Variants in PCSK2 observed in about 807,000 individuals in gnomAD.
PCSK2 encodes proprotein convertase subtilisin/kexin type 2.
In PCSK2, 14 loss-of-function variants were observed where a neutral mutation model predicts 69.7. The ratio of observed to expected loss-of-function variants is 0.20; its 90% confidence interval spans 0.13 to 0.31. The LOEUF is 0.31. Ranked by LOEUF, PCSK2 falls within the 10% of genes least tolerant of loss-of-function variation. The pLI, the probability that PCSK2 is intolerant of heterozygous loss-of-function variation, is 1.00. For missense variants in PCSK2, 544 were observed against 842.5 expected, an observed-to-expected ratio of 0.65 and a Z score of 4.39; for synonymous variants, 307 against 320.7, an observed-to-expected ratio of 0.96 and a Z score of 0.46.
chr20:17,235,075 G>T (rs1315296234), intron 1 of PCSK2, among the ~76,000 whole-genome samples: 8 of 152,154 alleles, frequency 5.3e-5, no homozygotes, highest in African/African-American at 1.7e-4. Flanking sequence ...GTATAGTTGT[G>T]TATTAATGGA....
chr20:17,467,865 C>T (rs1284580631), intron 11 of PCSK2, among the ~76,000 whole-genome samples: 1 of 152,236 alleles, frequency 6.6e-6, no homozygotes. Context: ...GTGAACACTT[C>T]TAGCTTACAC....
intron 2 of PCSK2, among the ~76,000 whole-genome samples, chr20:17,315,223 TGTG>T (rs907297911): frequency 6.6e-6 from 1 of 151,480 alleles, no homozygotes; most frequent in African/African-American, 2.4e-5. Flanking sequence ...CTCAGTGTGG[TGTG>T]GTGGTGGTGA....
At chr20:17,333,730 C>A (rs1468886754) in intron 2 of PCSK2, among the ~76,000 whole-genome samples, 2 of 151,832 alleles carry the variant, frequency 1.3e-5, no homozygotes, top group Admixed American at 1.3e-4. Context: ...CTGCCTCATC[C>A]ACTTTCTACC....
At chr20:17,441,724 T>G (rs1057202318) in intron 8 of PCSK2, among the ~76,000 whole-genome samples, 1 of 152,036 alleles carries the variant, frequency 6.6e-6, no homozygotes, top group Admixed American at 6.6e-5. Flanking sequence ...GAGAACAGCA[T>G]GGGGAAGACT....
intron 8 of PCSK2, among the ~76,000 whole-genome samples, chr20:17,440,019 C>T (rs906416931): frequency 3.9e-5 from 6 of 152,202 alleles, no homozygotes; most frequent in African/African-American, 1.2e-4. Flanking sequence ...ACTAGAGAGC[C>T]GACACTGCAC....
chr20:17,326,073 T>C (rs1348077031), intron 2 of PCSK2, among the ~76,000 whole-genome samples: 2 of 152,234 alleles, frequency 1.3e-5, no homozygotes, highest in Non-Finnish European at 2.9e-5. Flanking sequence ...TCTGCCCCCA[T>C]GCCATTAGCC....
At chr20:17,422,203 T>C (rs934414669) in intron 6 of PCSK2, among the ~76,000 whole-genome samples, 16 of 152,178 alleles carry the variant, frequency 1.1e-4, no homozygotes, top group African/African-American at 3.9e-4. Context: ...GAATTGAAGA[T>C]AACAGCCTGT....
chr20:17,483,145 AG>A lies in PCSK2; in HGVS notation c.*1077del, dbSNP rs2033439784. 1 of 152,088 alleles carries A rather than the reference AG, an allele frequency of 6.6e-6. No homozygotes were observed. The highest frequency in any genetic ancestry group is 2.1e-4 in the South Asian group (1 of 4,816). 9.4% of individuals were successfully genotyped at this position (152,088 alleles called of 1,614,324 possible). ...TGATGTCATTAATGTGTTGGGAAAA[AG>A]GCCTCTGTCCCGGAAGAGTCATGGG... On this transcript the variant is annotated 3_prime_UTR_variant, in exon 12 of 12. Coordinates refer to ENST00000262545, the MANE Select transcript of PCSK2 (RefSeq NM_002594.5).
Position 17,465,168 on chromosome 20 carries a change from C to T in PCSK2, c.1203-158C>T, listed in dbSNP as rs1394270823. The stretch of plus-strand genomic sequence containing the variant: ...ACTTATATAGTGGTTTTGAATGGTG[C>T]ATGGACACCCTCCCTTGAATTTGAG... On this transcript the variant is annotated intron_variant, in intron 10 of 11. Transcript: ENST00000262545. 3 of 692,244 alleles carry T rather than the reference C, an allele frequency of 4.3e-6. No individual in the cohort carries two copies. The African/African-American group carries it at 5.2e-5, about 12-fold the overall frequency. The allele number at this position is 692,244 out of a possible 1,614,324, so 42.9% of individuals were successfully genotyped here.
chr20:17,352,473 G>C (rs564054632), intron 2 of PCSK2, among the ~76,000 whole-genome samples: 3 of 152,252 alleles, frequency 2.0e-5, no homozygotes, highest in African/African-American at 7.2e-5. Context: ...AGTAATCAAA[G>C]CAGCATGGTA....
intron 2 of PCSK2, among the ~76,000 whole-genome samples, chr20:17,278,426 TG>T (rs1240504106): frequency 6.6e-6 from 1 of 152,152 alleles, no homozygotes; most frequent in Non-Finnish European, 1.5e-5. Flanking sequence ...TGTGGGGACA[TG>T]GATGAAGCTG....
intron 6 of PCSK2, among the ~76,000 whole-genome samples, chr20:17,412,919 T>C (rs1453442508): frequency 6.6e-6 from 1 of 152,162 alleles, no homozygotes; most frequent in Non-Finnish European, 1.5e-5. Context: ...GAATTTCATA[T>C]CCAGCCAAAC....
At chr20:17,287,490 G>A (rs1002776773) in intron 2 of PCSK2, among the ~76,000 whole-genome samples, 2 of 151,384 alleles carry the variant, frequency 1.3e-5, no homozygotes, top group South Asian at 4.2e-4. Context: ...ATAAGAGAAT[G>A]ATACAAATGA....
At chr20:17,341,187 C>T (rs896178569) in intron 2 of PCSK2, among the ~76,000 whole-genome samples, 1 of 152,170 alleles carries the variant, frequency 6.6e-6, no homozygotes, top group Admixed American at 6.5e-5. Flanking sequence ...TTGCAGTGAG[C>T]CAAGACCGCA....
At chr20:17,402,822 T>C (rs1345130324) in intron 5 of PCSK2, among the ~76,000 whole-genome samples, 2 of 151,206 alleles carry the variant, frequency 1.3e-5, no homozygotes, top group African/African-American at 4.9e-5. Flanking sequence ...CCAGGCGTGG[T>C]GGTGGGCTCC....
At chr20:17,314,399 A>G (rs1989614413) in intron 2 of PCSK2, among the ~76,000 whole-genome samples, 1 of 152,226 alleles carries the variant, frequency 6.6e-6, no homozygotes, top group Non-Finnish European at 1.5e-5. Context: ...CCAAATCTAC[A>G]GGAAGTGAAA....
chr20:17,233,945 G>C (rs1986237951), intron 1 of PCSK2, among the ~76,000 whole-genome samples: 1 of 152,138 alleles, frequency 6.6e-6, no homozygotes, highest in South Asian at 2.1e-4. Flanking sequence ...ATGTAATTGA[G>C]AACAGTACAT....
chr20:17,349,528 A>G (rs75615942), intron 2 of PCSK2, among the ~76,000 whole-genome samples: 26,360 of 152,174 alleles, frequency 0.17, 2,699 homozygotes, highest in Middle Eastern at 0.24. Flanking sequence ...CCCCAGGAAG[A>G]TAACAGTGAC....
chr20:17,386,860 A>T (rs967918960), intron 5 of PCSK2, among the ~76,000 whole-genome samples: 1 of 152,162 alleles, frequency 6.6e-6, no homozygotes, highest in African/African-American at 2.4e-5. Context: ...TCCTCCCAAC[A>T]CTCCAATGGA....
Sources: gnomAD v4.1 joint callset for allele counts (sites outside exome capture counted in the v4.1 genomes callset) on GRCh38, gnomAD v4.1.1 for gene constraint, MANE v1.5 for transcripts, NCBI Gene and HGNC (gene_info 2026-07-23, HGNC 2026-07-21) for gene names.